GRAMD1B: variants seen among roughly 807,000 people sequenced by gnomAD.
GRAMD1B encodes GRAM domain containing 1B.
A neutral mutation model predicts 99.7 loss-of-function variants in GRAMD1B; 37 were observed. The ratio of observed to expected loss-of-function variants is 0.37; its 90% CI spans 0.29 to 0.49. The LOEUF is 0.49. GRAMD1B is among the 20% of genes least tolerant of loss of function. GRAMD1B has a pLI of 0.98. For synonymous variants in GRAMD1B, 427 were observed against 387.6 expected, an observed-to-expected ratio of 1.10 and a Z score of -1.19; for missense variants, 888 against 1,009.2, an observed-to-expected ratio of 0.88 and a Z score of 1.63.
chr11:123,419,732 T>A (rs2136016436), intron 1 of GRAMD1B, among the ~76,000 whole-genome samples: 1 of 128,720 alleles, frequency 7.8e-6, no homozygotes, highest in African/African-American at 3.0e-5. Flanking sequence ...TGTGTGTGTG[T>A]GTGTGTGTGT....
At chr11:123,469,588 G>C (rs1182803922) in intron 1 of GRAMD1B, among the ~76,000 whole-genome samples, 1 of 152,112 alleles carries the variant, frequency 6.6e-6, no homozygotes, top group African/African-American at 2.4e-5. Context: ...TCAGTGGTGG[G>C]AATGCTCAGT....
intron 1 of GRAMD1B, among the ~76,000 whole-genome samples, chr11:123,407,675 C>T (rs1947901833): frequency 6.6e-6 from 1 of 152,122 alleles, no homozygotes; most frequent in African/African-American, 2.4e-5. Flanking sequence ...GCATGAGGGG[C>T]CAAATCAGAG....
intron 1 of GRAMD1B, among the ~76,000 whole-genome samples, chr11:123,421,563 A>G (rs1948435636): frequency 1.3e-5 from 2 of 152,230 alleles, no homozygotes; most frequent in South Asian, 4.1e-4. Flanking sequence ...AGAGTAGAAG[A>G]AGGATGTGCA....
intron 2 of GRAMD1B, among the ~76,000 whole-genome samples, chr11:123,566,075 C>T (rs1259250254): frequency 6.6e-6 from 1 of 152,142 alleles, no homozygotes; most frequent in East Asian, 1.9e-4. Context: ...AATTCACATT[C>T]CACTGCTAAT....
At chr11:123,377,766 C>A (rs1946737798) in intron 1 of GRAMD1B, among the ~76,000 whole-genome samples, 1 of 152,180 alleles carries the variant, frequency 6.6e-6, no homozygotes, top group Non-Finnish European at 1.5e-5. Context: ...GTTATTCTTC[C>A]AATGGAAGAC....
chr11:123,419,698 AGTGTGTGTGTGTGTGTGTGT>A lies in GRAMD1B; in HGVS notation c.-176+60929_-176+60948del, dbSNP rs3222403. Among the ~76,000 whole-genome samples the A allele has an allele frequency of 4.8e-3, 650 of 134,102 alleles. 5 individuals carry two copies. Among genetic ancestry groups the A allele is most frequent in the African/African-American group, 0.016 (587 of 35,620 alleles). The allele number at this position is 134,102 out of a possible 152,430, so 88.0% of individuals were successfully genotyped here. A position where few individuals can be genotyped will look rare whatever the true frequency, so the allele number is the denominator to read the frequency against. ...CAAGAAGGGAGTCGGGGAATTTCTA[AGTGTGTGTGTGTGTGTGTGT>A]GTGTGTGTGTGTGTGTGTGTGTGTG... On this transcript the variant is annotated intron_variant, in intron 1 of 20. Coordinates refer to the GRAMD1B transcript ENST00000638157.
intron 2 of GRAMD1B, among the ~76,000 whole-genome samples, chr11:123,483,403 T>A (rs535734191): frequency 2.6e-4 from 39 of 151,026 alleles, no homozygotes; most frequent in African/African-American, 9.2e-4. Flanking sequence ...TTTTTTTTTT[T>A]TTTTTGAGAT....
chr11:123,581,804 A>C (rs1949384814), intron 3 of GRAMD1B, among the ~76,000 whole-genome samples: 1 of 152,234 alleles, frequency 6.6e-6, no homozygotes, highest in South Asian at 2.1e-4. Context: ...TCCCTGCCTG[A>C]GGCTGTGTGT....
rs576633865 is a variant in GRAMD1B at position 123,573,165 on chromosome 11, G to A, written c.453-4202G>A. ...GGCGCAGGTAGGCCCTGATGGCTGG[G>A]GCAGGAGCTCAGTTAGACCCCGATG... On this transcript the variant is annotated intron_variant, in intron 2 of 19. Transcript: ENST00000635736. Among the ~76,000 whole-genome samples the A allele has an allele frequency of 1.6e-4, 24 of 152,198 alleles. No individual in the cohort carries two copies. In the South Asian group the frequency reaches 5.0e-3, roughly 32 times the overall value.
At chr11:123,449,713 G>GATTTTTTTTT (rs1245614513) in intron 1 of GRAMD1B, among the ~76,000 whole-genome samples, 1 of 79,558 alleles carries the variant, frequency 1.3e-5, no homozygotes, top group Non-Finnish European at 2.5e-5. Context: ...ACCATGCCTG[G>GATTTTTTTTT]CTTTTTTTTT....
chr11:123,478,930 C>G (rs763939149), intron 1 of GRAMD1B, among the ~76,000 whole-genome samples: 3 of 152,116 alleles, frequency 2.0e-5, no homozygotes, highest in Non-Finnish European at 4.4e-5. Context: ...AACACTTGTC[C>G]CAGGTTGTAT....
intron 2 of GRAMD1B, among the ~76,000 whole-genome samples, chr11:123,482,919 T>A (rs558303365): frequency 6.6e-6 from 1 of 151,800 alleles, no homozygotes; most frequent in South Asian, 2.1e-4. Context: ...ATTAGTCGAG[T>A]GTGATGGTGC....
At chr11:123,470,506 CTTTCTTT>C (rs1171023539) in intron 1 of GRAMD1B, among the ~76,000 whole-genome samples, 1 of 116,462 alleles carries the variant, frequency 8.6e-6, no homozygotes, top group Non-Finnish European at 1.6e-5. Context: ...TTCTTTCTTT[CTTTCTTT>C]TTTTTTTTTT....
At chr11:123,539,436 C>CAA (rs754285383) in intron 2 of GRAMD1B, among the ~76,000 whole-genome samples, 145 of 98,808 alleles carry the variant, frequency 1.5e-3, no homozygotes, top group African/African-American at 4.4e-3. Context: ...ACCCCATGTC[C>CAA]AAAAATAAAA....
chr11:123,598,409 C>T, intron 7 of GRAMD1B: 1 of 943,220 alleles, frequency 1.1e-6, no homozygotes, highest in Non-Finnish European at 1.8e-6. Context: ...TCCTTGCTTG[C>T]TCGCGTTGTA....
chr11:123,482,955 A>C (rs1951693345), intron 2 of GRAMD1B, among the ~76,000 whole-genome samples: 1 of 151,772 alleles, frequency 6.6e-6, no homozygotes, highest in African/African-American at 2.4e-5. Context: ...GCTACTCCGG[A>C]GGCTGAGGCA....
intron 1 of GRAMD1B, among the ~76,000 whole-genome samples, chr11:123,452,997 C>G (rs1949956340): frequency 6.6e-6 from 1 of 152,178 alleles, no homozygotes. Flanking sequence ...GTGCATTTTT[C>G]TGACCTTGTT....
chr11:123,577,260 C>G (rs1948813684), intron 2 of GRAMD1B, 107 bp from the exon 3 acceptor site: 1 of 921,712 alleles, frequency 1.1e-6, no homozygotes, highest in African/African-American at 1.6e-5. Flanking sequence ...TCACCTGGCT[C>G]CCTGAGCTGG....
chr11:123,510,835 G>A lies in GRAMD1B; in HGVS notation c.452+29942G>A, dbSNP rs1202350325. Among the ~76,000 whole-genome samples, 4 of 152,174 alleles carry A rather than the reference G, an allele frequency of 2.6e-5. No individual in the cohort carries two copies. The highest frequency in any genetic ancestry group is 7.2e-5 in the African/African-American group (3 of 41,442). On this transcript the variant is annotated intron_variant, in intron 2 of 19. Transcript: ENST00000635736. This position sits in a 1 kb window ranked among gnomAD's most constrained non-coding sequence, Gnocchi z 4.3. ...TCCAGGGGCTGTGTCAGAGTGGAGG[G>A]AAATGTTGTGAGCACCAAGACCTCA...
Sources: gnomAD v4.1 joint callset for allele counts (sites outside exome capture counted in the v4.1 genomes callset) on GRCh38, gnomAD v4.1.1 for gene constraint, Gnocchi (gnomAD v3.1) non-coding constraint, MANE v1.5 for transcripts, NCBI Gene and HGNC (gene_info 2026-07-23, HGNC 2026-07-21) for gene names.